The following PRKN variants were observed in gnomAD, a reference collection of about 807,000 sequenced individuals.
PRKN encodes E3 ubiquitin-protein ligase parkin.
PRKN carries 56 observed loss-of-function variants against 59.5 expected under a neutral mutation model. That is an observed-to-expected ratio of 0.94 (90% CI 0.76 to 1.18). PRKN has a LOEUF of 1.18. PRKN is among the 50% of genes most tolerant of loss of function. The pLI, the probability that PRKN is intolerant of heterozygous loss-of-function variation, is 0.00. For synonymous variants in PRKN, 250 were observed against 222.1 expected, an observed-to-expected ratio of 1.13 and a Z score of -1.12; for missense variants, 657 against 596.4, an observed-to-expected ratio of 1.10 and a Z score of -1.06.
chr6:162,665,832 C>T (rs1412707309), intron 1 of PRKN, among the ~76,000 whole-genome samples: 2 of 152,026 alleles, frequency 1.3e-5, no homozygotes, highest in Non-Finnish European at 2.9e-5. Flanking sequence ...CCAAAATAGA[C>T]ATACAGACTA....
intron 7 of PRKN, 116 bp from the exon 8 acceptor site, chr6:161,569,532 G>A (rs779692604): frequency 4.6e-6 from 4 of 874,130 alleles, no homozygotes; most frequent in Non-Finnish European, 7.6e-6. Flanking sequence ...GGACACAGAC[G>A]TGTACCTGAA....
chr6:161,640,620 C>G (rs1783704473), intron 7 of PRKN, among the ~76,000 whole-genome samples: 3 of 152,080 alleles, frequency 2.0e-5, no homozygotes, highest in African/African-American at 7.2e-5. Flanking sequence ...GGTCGACATC[C>G]TATTTTTTGA....
intron 4 of PRKN, among the ~76,000 whole-genome samples, chr6:162,145,972 T>C (rs1173185100): frequency 6.6e-6 from 1 of 152,218 alleles, no homozygotes; most frequent in Non-Finnish European, 1.5e-5. Flanking sequence ...GACACTACTA[T>C]GCAAACGTAC....
intron 7 of PRKN, among the ~76,000 whole-genome samples, chr6:161,752,781 A>G (rs1358920789): frequency 6.6e-6 from 1 of 152,218 alleles, no homozygotes; most frequent in Non-Finnish European, 1.5e-5. Flanking sequence ...CATTTAGTAG[A>G]CTTTTACGCA....
intron 9 of PRKN, among the ~76,000 whole-genome samples, chr6:161,504,549 G>A (rs1209852992): frequency 6.6e-6 from 1 of 150,892 alleles, no homozygotes; most frequent in African/African-American, 2.4e-5. Context: ...TATACTTTAA[G>A]TTTTAGGGTA....
chr6:162,650,770 G>T (rs1440660045), intron 1 of PRKN, among the ~76,000 whole-genome samples: 5 of 152,016 alleles, frequency 3.3e-5, no homozygotes, highest in African/African-American at 1.2e-4. Flanking sequence ...AATAATCTTT[G>T]TCCATTCTCT....
chr6:161,842,158 A>T (rs1793012414), intron 6 of PRKN, among the ~76,000 whole-genome samples: 1 of 152,128 alleles, frequency 6.6e-6, no homozygotes, highest in South Asian at 2.1e-4. Flanking sequence ...ATATGAGAAC[A>T]TAAAGCATAT....
At chr6:162,235,946 G>GAAGGAAGA (rs1224872714) in intron 3 of PRKN, among the ~76,000 whole-genome samples, 6 of 80,756 alleles carry the variant, frequency 7.4e-5, no homozygotes, top group African/African-American at 2.3e-4. Context: ...AGGAAGGAAG[G>GAAGGAAGA]AAGGAAGAAA....
intron 1 of PRKN, among the ~76,000 whole-genome samples, chr6:162,646,811 C>T (rs1450577405): frequency 2.0e-5 from 3 of 152,126 alleles, no homozygotes; most frequent in African/African-American, 7.2e-5. Flanking sequence ...CTGTAGGCAA[C>T]TGTAACACAC....
At chr6:161,590,553 T>G (rs972326900) in intron 7 of PRKN, among the ~76,000 whole-genome samples, 6 of 151,968 alleles carry the variant, frequency 3.9e-5, no homozygotes, top group Non-Finnish European at 8.8e-5. Flanking sequence ...GCCAACATAG[T>G]GAAACCCCAT....
intron 6 of PRKN, among the ~76,000 whole-genome samples, chr6:161,893,584 T>C (rs943788993): frequency 6.6e-6 from 1 of 152,214 alleles, no homozygotes; most frequent in African/African-American, 2.4e-5. Context: ...CTTCATCTTT[T>C]CTGAGCCTCA....
At chr6:162,584,560 G>A (rs1051528548) in intron 1 of PRKN, among the ~76,000 whole-genome samples, 4 of 151,892 alleles carry the variant, frequency 2.6e-5, no homozygotes, top group African/African-American at 9.7e-5. Flanking sequence ...GAGTCAGAAG[G>A]TGAATCACAA....
rs1378828747 is a variant in PRKN at position 161,393,283 on chromosome 6, G to C, written c.1084-6406C>G. On this transcript the variant is annotated intron_variant, in intron 9 of 11. Transcript: ENST00000366898. This position sits in a 1 kb window ranked among gnomAD's most constrained non-coding sequence, Gnocchi z 4.7. ...AGTAAGCGCCTTGTTAATTAAAGCA[G>C]TTCCCAGTATACTGATAATAATGAC... is the stretch of plus-strand genomic sequence containing the variant. Among the ~76,000 whole-genome samples, 2 of 152,118 alleles carry C rather than the reference G, an allele frequency of 1.3e-5. No individual in the cohort carries two copies. Among genetic ancestry groups the C allele is most frequent in the Non-Finnish European group, 2.9e-5 (2 of 68,030 alleles).
chr6:161,496,891 G>A (rs1013139645), intron 9 of PRKN, among the ~76,000 whole-genome samples: 6 of 152,210 alleles, frequency 3.9e-5, no homozygotes, highest in Non-Finnish European at 8.8e-5. Flanking sequence ...GATGCAAGGA[G>A]GGATTCTTCC....
At chr6:161,824,206 G>C (rs1029970523) in intron 6 of PRKN, among the ~76,000 whole-genome samples, 1 of 152,206 alleles carries the variant, frequency 6.6e-6, no homozygotes, top group Non-Finnish European at 1.5e-5. Context: ...CACCTGAAAC[G>C]TGTGGATGGA....
intron 6 of PRKN, among the ~76,000 whole-genome samples, chr6:161,918,739 T>C (rs1778670211): frequency 1.3e-5 from 2 of 152,202 alleles, no homozygotes; most frequent in Non-Finnish European, 2.9e-5. Flanking sequence ...CAATGCCATG[T>C]AATTAGGCAA....
chr6:162,602,259 G>C (rs1781742588), intron 1 of PRKN, among the ~76,000 whole-genome samples: 1 of 152,164 alleles, frequency 6.6e-6, no homozygotes, highest in Non-Finnish European at 1.5e-5. Flanking sequence ...AGAGAAGAGA[G>C]AAGAGAAGGC....
chr6:162,183,428 G>A (rs913247174), intron 4 of PRKN, among the ~76,000 whole-genome samples: 1 of 152,118 alleles, frequency 6.6e-6, no homozygotes, highest in Non-Finnish European at 1.5e-5. Context: ...CCCACTCTGA[G>A]GATAAGAAGG....
At position 161,360,274 on chromosome 6, in the gene PRKN, T is replaced by C; in HGVS notation, c.1168-69A>G. On this transcript the variant is annotated intron_variant, in intron 10 of 11. Transcript: ENST00000366898. This position sits in a 1 kb window ranked among gnomAD's most constrained non-coding sequence, Gnocchi z 5.1. The stretch of plus-strand genomic sequence containing the variant: ...TACTGGGATCAGAGTTTATGTTCCC[T>C]GTACGTCGGTACAGGAAATTCTTGA... 2 of 1,221,848 alleles carry C rather than the reference T, an allele frequency of 1.6e-6. No homozygotes were observed. Among genetic ancestry groups the C allele is most frequent in the Non-Finnish European group, 2.4e-6 (2 of 821,714 alleles). 75.7% of individuals were successfully genotyped at this position (1,221,848 alleles called of 1,614,324 possible).
Sources: gnomAD v4.1 joint callset for allele counts (sites outside exome capture counted in the v4.1 genomes callset) on GRCh38, gnomAD v4.1.1 for gene constraint, Gnocchi (gnomAD v3.1) non-coding constraint, MANE v1.5 for transcripts, NCBI Gene and HGNC (gene_info 2026-07-23, HGNC 2026-07-21) for gene names.